Variants in MKX observed in about 807,000 individuals in gnomAD.
The protein encoded by MKX is mohawk homeobox.
A neutral mutation model predicts 36.0 loss-of-function variants in MKX; 13 were observed. The ratio of observed to expected loss-of-function variants is 0.36; its 90% CI spans 0.24 to 0.57. The LOEUF (loss-of-function observed/expected upper bound fraction) is 0.57, where lower values mean the gene tolerates loss of function less well. MKX is among the 20% of genes least tolerant of loss of function. MKX has a pLI of 0.79. For synonymous variants in MKX, 176 were observed against 178.3 expected, an observed-to-expected ratio of 0.99 and a Z score of 0.10; for missense variants, 458 against 456.4, an observed-to-expected ratio of 1.00 and a Z score of -0.03.
intron 3 of MKX, among the ~76,000 whole-genome samples, chr10:27,738,636 C>T (rs1016562782): frequency 1.3e-5 from 2 of 151,948 alleles, no homozygotes; most frequent in African/African-American, 4.8e-5. Flanking sequence ...ATCTATCTAT[C>T]TCCCATATTT....
Position 27,735,354 on chromosome 10 carries a change from A to G in MKX, c.369T>C (p.Asn123=), listed in dbSNP as rs763367127. The G allele has an allele frequency of 6.2e-7, 1 of 1,612,476 alleles. No homozygotes were observed. Among genetic ancestry groups the G allele is most frequent in the South Asian group, 1.1e-5 (1 of 90,534 alleles). Residue 123 remains asparagine (N), a synonymous_variant, in exon 4 of 7, where the codon AAT becomes AAC. Transcript: ENST00000419761. ...CGGTATTCTTAAGCCGACGTCTTGC[A>G]TTAGCAAACCAATTTGACACCTAAA... is the stretch of plus-strand genomic sequence containing the variant. ...TLVQVSNWFA[N]ARRRLKNTVR...
chr10:27,681,174 T>G (rs1836247533), intron 5 of MKX, among the ~76,000 whole-genome samples: 1 of 152,072 alleles, frequency 6.6e-6, no homozygotes. Flanking sequence ...AGGCTGGGGG[T>G]GGTGGCTCAC....
intron 5 of MKX, among the ~76,000 whole-genome samples, chr10:27,716,133 G>C (rs1836959788): frequency 6.6e-6 from 1 of 152,122 alleles, no homozygotes; most frequent in Admixed American, 6.6e-5. Flanking sequence ...ATAGTAATAT[G>C]TACATCACAG....
At position 27,674,039 on chromosome 10, in the gene MKX, G is replaced by C. The variant is rs1229124945; in HGVS notation, c.*1190C>G. The C allele has an allele frequency of 6.6e-6, 1 of 152,128 alleles. No individual in the cohort carries two copies. The highest frequency in any genetic ancestry group is 1.5e-5 in the Non-Finnish European group (1 of 68,010). The allele number at this position is 152,128 out of a possible 1,614,324, so 9.4% of individuals were successfully genotyped here. A position where few individuals can be genotyped will look rare whatever the true frequency, so the allele number is the denominator to read the frequency against. Reference sequence around the variant, plus strand: ...CTGATTGGAATATTATTGTTTAGTTGAGAAAGATAGTCTTCTTTCTTGATA... The same window carrying C: ...CTGATTGGAATATTATTGTTTAGTTCAGAAAGATAGTCTTCTTTCTTGATA... On this transcript the variant is annotated 3_prime_UTR_variant, in exon 7 of 7. Transcript: ENST00000419761.
rs574421072 is a variant in MKX at position 27,674,349 on chromosome 10, C to T, written c.*880G>A. The T allele has an allele frequency of 6.6e-6, 1 of 152,510 alleles. No individual in the cohort carries two copies. The highest frequency in any genetic ancestry group is 1.5e-5 in the Non-Finnish European group (1 of 68,020). The allele number at this position is 152,510 out of a possible 1,614,324, so 9.4% of individuals were successfully genotyped here. A position where few individuals can be genotyped will look rare whatever the true frequency, so the allele number is the denominator to read the frequency against. ...ATAAAAGATTTTTAGTCATTCCATACGAACACAGTTTCCATCACAAAAAGA... is the reference window on the plus strand; with the variant it reads ...ATAAAAGATTTTTAGTCATTCCATATGAACACAGTTTCCATCACAAAAAGA... On this transcript the variant is annotated 3_prime_UTR_variant, in exon 7 of 7. Coordinates refer to ENST00000419761, the MANE Select transcript of MKX (RefSeq NM_173576.3).
chr10:27,680,000 C>T (rs78927276), intron 5 of MKX, among the ~76,000 whole-genome samples: 23 of 152,132 alleles, frequency 1.5e-4, no homozygotes, highest in South Asian at 1.2e-3. Context: ...GTGGTCTCAC[C>T]GGCTCCACTC....
intron 5 of MKX, among the ~76,000 whole-genome samples, chr10:27,690,292 G>T (rs56277926): frequency 3.3e-5 from 5 of 151,772 alleles, no homozygotes; most frequent in Admixed American, 3.3e-4. Flanking sequence ...ATTCATTTGA[G>T]CCCGGAGGCG....
At chr10:27,721,078 A>G (rs533377513) in intron 5 of MKX, among the ~76,000 whole-genome samples, 1 of 152,302 alleles carries the variant, frequency 6.6e-6, no homozygotes, top group South Asian at 2.1e-4. Context: ...TAAATGGAGA[A>G]ATCTGCCATG....
chr10:27,705,876 T>C (rs1836739167), intron 5 of MKX, among the ~76,000 whole-genome samples: 1 of 152,180 alleles, frequency 6.6e-6, no homozygotes, highest in South Asian at 2.1e-4. Context: ...TGGCAAAATA[T>C]ACATAACATA....
chr10:27,691,422 T>A (rs1367363706), intron 5 of MKX, among the ~76,000 whole-genome samples: 2 of 152,202 alleles, frequency 1.3e-5, no homozygotes, highest in African/African-American at 2.4e-5. Context: ...TTCACTACGG[T>A]ATAGCAGCAC....
chr10:27,675,489 G>T, intron 6 of MKX, 32 bp downstream of exon 6: 1 of 1,614,128 alleles, frequency 6.2e-7, no homozygotes, highest in Non-Finnish European at 8.5e-7. Context: ...TCGCTGAAAA[G>T]CAGGAACGGC....
rs760522501 is a variant in MKX, at chr10:27,735,330, G to A, written c.393C>T (p.Thr131=). The change falls in exon 4 of 7, where the codon ACC becomes ACT. Residue 131 remains threonine, a synonymous_variant. Coordinates refer to ENST00000419761, the MANE Select transcript of MKX (RefSeq NM_173576.3). ...CCCAGCTTAAATCTGGCTGTCGAAC[G>A]GTATTCTTAAGCCGACGTCTTGCAT... is the stretch of plus-strand genomic sequence containing the variant. The part of the protein sequence containing the change: ...FANARRRLKN[T]VRQPDLSWAL... The A allele has an allele frequency of 1.4e-5, 23 of 1,613,448 alleles. No homozygotes were observed. The highest frequency in any genetic ancestry group is 9.4e-5 in the African/African-American group (7 of 74,862).
intron 5 of MKX, among the ~76,000 whole-genome samples, chr10:27,707,340 T>C (rs1836773639): frequency 1.3e-5 from 2 of 152,192 alleles, no homozygotes; most frequent in South Asian, 4.1e-4. Context: ...TATTCATTAT[T>C]ATTGCATTCA....
chr10:27,701,347 T>C (rs1011712828), intron 5 of MKX, among the ~76,000 whole-genome samples: 1 of 140,988 alleles, frequency 7.1e-6, no homozygotes, highest in Admixed American at 7.8e-5. Flanking sequence ...GTTTGAGCTT[T>C]GAGAGTCACA....
chr10:27,733,073 T>G (rs1463473967), intron 5 of MKX, among the ~76,000 whole-genome samples: 2 of 152,164 alleles, frequency 1.3e-5, no homozygotes, highest in Non-Finnish European at 2.9e-5. Flanking sequence ...TGGCCAAATT[T>G]TCTTTTATTT....
At chr10:27,680,626 C>T (rs1026695519) in intron 5 of MKX, among the ~76,000 whole-genome samples, 1 of 151,912 alleles carries the variant, frequency 6.6e-6, no homozygotes, top group Non-Finnish European at 1.5e-5. Flanking sequence ...ATATTTGTAG[C>T]CATAAAAAGA....
At chr10:27,724,373 G>A (rs1834442046) in intron 5 of MKX, among the ~76,000 whole-genome samples, 1 of 152,148 alleles carries the variant, frequency 6.6e-6, no homozygotes, top group Non-Finnish European at 1.5e-5. Context: ...CTGCTAAGGT[G>A]CTGCCCAAAA....
intron 5 of MKX, among the ~76,000 whole-genome samples, chr10:27,731,099 A>C (rs1834617269): frequency 6.9e-6 from 1 of 144,394 alleles, no homozygotes; most frequent in Non-Finnish European, 1.5e-5. Context: ...GTGCCACTGC[A>C]CTCCAGCCTG....
At chr10:27,692,421 A>T (rs1230195710) in intron 5 of MKX, among the ~76,000 whole-genome samples, 1 of 152,236 alleles carries the variant, frequency 6.6e-6, no homozygotes, top group Non-Finnish European at 1.5e-5. Context: ...ATATTACAAG[A>T]TACTTCAGAA....
Sources: allele counts gnomAD v4.1 joint callset (sites outside exome capture counted in the v4.1 genomes callset), GRCh38; gene constraint gnomAD v4.1.1; transcripts MANE v1.5; gene names NCBI Gene and HGNC (gene_info 2026-07-23, HGNC 2026-07-21).